The following MUSK variants were observed in gnomAD, a reference collection of about 807,000 sequenced individuals.
MUSK encodes the protein muscle, skeletal receptor tyrosine-protein kinase.
MUSK carries 55 observed loss-of-function variants against 88.7 expected under a neutral mutation model. The observed-to-expected ratio is 0.62, with a 90% CI of 0.50 to 0.78. The LOEUF is 0.78. Ranked by LOEUF, MUSK falls within the 30% of genes least tolerant of loss-of-function variation. The pLI, the probability that MUSK is intolerant of heterozygous loss-of-function variation, is 0.00. For synonymous variants in MUSK, 387 were observed against 391.9 expected (o/e 0.99, Z 0.15); for missense variants, 1,015 against 1,074.3 (o/e 0.94, Z 0.77).
chr9:110,758,603 C>G (rs2077358509), intron 7 of MUSK, among the ~76,000 whole-genome samples: 1 of 152,096 alleles, frequency 6.6e-6, no homozygotes, highest in African/African-American at 2.4e-5. Context: ...TAAAAGGCAT[C>G]CAAATAGGAA....
intron 5 of MUSK, among the ~76,000 whole-genome samples, chr9:110,711,432 C>T (rs1219640422): frequency 1.3e-5 from 2 of 152,132 alleles, no homozygotes; most frequent in East Asian, 1.9e-4. Flanking sequence ...TGGATTTATA[C>T]AAGGTCCAGC....
intron 9 of MUSK, among the ~76,000 whole-genome samples, chr9:110,769,583 G>T (rs978525299): frequency 3.9e-5 from 6 of 151,972 alleles, no homozygotes; most frequent in African/African-American, 1.4e-4. Context: ...GCAGTTATTT[G>T]AAAAAATAGT....
chr9:110,774,289 T>C (rs896054221), intron 9 of MUSK, among the ~76,000 whole-genome samples: 7 of 152,228 alleles, frequency 4.6e-5, no homozygotes, highest in Non-Finnish European at 7.3e-5. Flanking sequence ...GTGTTGGTTT[T>C]ATTTTTTGTG....
intron 3 of MUSK, among the ~76,000 whole-genome samples, chr9:110,689,269 A>G (rs1187740596): frequency 8.4e-6 from 1 of 119,162 alleles, no homozygotes; most frequent in Non-Finnish European, 1.6e-5. Context: ...TATATTGTAT[A>G]GTTATATTTA....
chr9:110,691,384 G>T (rs540824306), intron 3 of MUSK, among the ~76,000 whole-genome samples: 13 of 152,086 alleles, frequency 8.5e-5, no homozygotes, highest in Non-Finnish European at 1.9e-4. Context: ...GCTAACAACA[G>T]TGTCTCAGTC....
chr9:110,692,479 G>A (rs2076369705), intron 3 of MUSK, among the ~76,000 whole-genome samples: 1 of 151,894 alleles, frequency 6.6e-6, no homozygotes, highest in Non-Finnish European at 1.5e-5. Context: ...CAGCCTAGGT[G>A]GGCCTTTTTG....
chr9:110,756,478 A>T (rs1307985305), intron 7 of MUSK, among the ~76,000 whole-genome samples: 2 of 151,516 alleles, frequency 1.3e-5, no homozygotes, highest in Admixed American at 6.6e-5. Flanking sequence ...GGGGAGTTCT[A>T]TTCCTGGACC....
At position 110,803,307 on chromosome 9, in the gene MUSK, C is replaced by CTTTGT. The variant is rs977325861; in HGVS notation, c.*2333_*2337dup. Among the ~76,000 whole-genome samples the CTTTGT allele has an allele frequency of 1.3e-5, 2 of 152,152 alleles. No individual in the cohort carries two copies. The highest frequency in any genetic ancestry group is 3.8e-4 in the East Asian group (2 of 5,196). On this transcript the variant is annotated 3_prime_UTR_variant, in exon 15 of 15. Transcript: ENST00000374448. ...TATCATTATATACATTTTAGTTTTG[C>CTTTGT]TTTGTTTTGTTTTGTTTTTGAGACG...
rs200750233 is a variant in MUSK, at chr9:110,695,530, G to C, written c.486G>C (p.Arg162Ser). ...GGATAAAGGGAGACAGCCCTCTCAG[G>C]GTAAGTGGTTATGATGTTAAAACAC... ...VSWIKGDSPL[R>S]ENSRIAVLES... The change falls in exon 4 of 15, where the codon AGG becomes AGC. Residue 162 changes from arginine to serine, a missense_variant and splice_region_variant. Transcript: ENST00000374448. 2.0e-4 allele frequency: 314 copies of C among 1,549,130 alleles called. No individual in the cohort carries two copies. The highest frequency in any genetic ancestry group is 1.7e-3 in the Middle Eastern group (10 of 5,984).
rs1229194109 is a variant in MUSK, at chr9:110,801,031, C to T, written c.*43C>T. ...TAAAATGCTGCAGTTTCCTCTCAGACTCTGTGAGCCAGGGGAATCCTACAC... is the reference window on the plus strand; with the variant it reads ...TAAAATGCTGCAGTTTCCTCTCAGATTCTGTGAGCCAGGGGAATCCTACAC... On this transcript the variant is annotated 3_prime_UTR_variant, in exon 15 of 15. Transcript: ENST00000374448. 2.8e-6 allele frequency: 4 copies of T among 1,452,934 alleles called. No individual in the cohort carries two copies. The highest frequency in any genetic ancestry group is 3.6e-6 in the Non-Finnish European group (4 of 1,102,454). The allele number at this position is 1,452,934 out of a possible 1,614,324, so 90.0% of individuals were successfully genotyped here.
intron 2 of MUSK, among the ~76,000 whole-genome samples, chr9:110,686,411 G>C (rs138538976): frequency 0.018 from 2,808 of 152,210 alleles, 37 homozygotes; most frequent in Non-Finnish European, 0.026. Context: ...CTCTGTGGGA[G>C]TGTTATTCTG....
chr9:110,743,061 T>A (rs2077124678), intron 6 of MUSK, among the ~76,000 whole-genome samples: 1 of 152,180 alleles, frequency 6.6e-6, no homozygotes, highest in African/African-American at 2.4e-5. Context: ...AGCTGGGAGA[T>A]ATTTGGCACA....
intron 6 of MUSK, among the ~76,000 whole-genome samples, chr9:110,743,670 G>T (rs2131865046): frequency 6.6e-6 from 1 of 152,262 alleles, no homozygotes; most frequent in Middle Eastern, 3.4e-3. Flanking sequence ...TTTTCTTAAA[G>T]GGAGGCATAT....
chr9:110,680,108 C>T (rs912194266), intron 1 of MUSK, among the ~76,000 whole-genome samples: 1 of 152,060 alleles, frequency 6.6e-6, no homozygotes, highest in South Asian at 2.1e-4. Context: ...TAAACACTCT[C>T]AATATTTGTT....
At chr9:110,698,066 A>G (rs1375971619) in intron 5 of MUSK, among the ~76,000 whole-genome samples, 1 of 152,190 alleles carries the variant, frequency 6.6e-6, no homozygotes, top group East Asian at 1.9e-4. Context: ...TCAGAATCCA[A>G]ATAGGTCTAG....
At chr9:110,728,113 A>G (rs1243599243) in intron 5 of MUSK, among the ~76,000 whole-genome samples, 4 of 152,046 alleles carry the variant, frequency 2.6e-5, no homozygotes, top group Non-Finnish European at 5.9e-5. Flanking sequence ...GAAGGTAATG[A>G]TTTGCTCCTT....
chr9:110,676,356 T>TA (rs1332587371), intron 1 of MUSK, among the ~76,000 whole-genome samples: 2 of 139,180 alleles, frequency 1.4e-5, no homozygotes, highest in African/African-American at 5.5e-5. Context: ...ATATTATATA[T>TA]TATATATTAT....
chr9:110,755,979 C>CGTGT lies in MUSK; in HGVS notation c.914-6223_914-6222insGTGT, dbSNP rs111630775. ...ATATATATATACATATATATATATA[C>CGTGT]ATATATATATATATATATGAATTTA... is the stretch of plus-strand genomic sequence containing the variant. On this transcript the variant is annotated intron_variant, in intron 7 of 14. Coordinates refer to ENST00000374448, the MANE Select transcript of MUSK (RefSeq NM_005592.4). Among the ~76,000 whole-genome samples the CGTGT allele has an allele frequency of 2.2e-4, 23 of 102,520 alleles. 2 individuals are homozygous for CGTGT. Among genetic ancestry groups the CGTGT allele is most frequent in the Middle Eastern group, 5.3e-3 (1 of 190 alleles). 67.3% of individuals were successfully genotyped at this position (102,520 alleles called of 152,430 possible).
Position 110,734,280 on chromosome 9 carries a change from T to G in MUSK, c.658T>G (p.Ser220Ala), listed in dbSNP as rs1330643999. The change falls in exon 6 of 15, where the codon TCC becomes GCC. Residue 220 changes from serine (S) to alanine (A), a missense_variant. By Grantham distance (99) the Ser-to-Ala change is moderately conservative. Coordinates refer to ENST00000374448, the MANE Select transcript of MUSK (RefSeq NM_005592.4). ...VFARILRAPE[S>A]HNVTFGSFVT... ...TGCCAGGATCCTGCGGGCTCCTGAA[T>G]CCCACAATGTCACCTTTGGCTCCTT... 6.2e-7 allele frequency: 1 copy of G among 1,613,064 alleles called. No homozygotes were observed. The highest frequency in any genetic ancestry group is 8.5e-7 in the Non-Finnish European group (1 of 1,179,410).
Sources: allele counts gnomAD v4.1 joint callset (sites outside exome capture counted in the v4.1 genomes callset), GRCh38; gene constraint gnomAD v4.1.1; transcripts MANE v1.5; gene names NCBI Gene and HGNC (gene_info 2026-07-23, HGNC 2026-07-21).